IFT57: variants seen among roughly 807,000 people sequenced by gnomAD.
The protein encoded by IFT57 is intraflagellar transport 57, also known as intraflagellar transport protein 57 homolog.
A neutral mutation model predicts 56.8 loss-of-function variants in IFT57; 59 were observed. That is an observed-to-expected ratio of 1.04 (90% confidence interval 0.84 to 1.29). IFT57 has a LOEUF of 1.29. Ranked by LOEUF, IFT57 falls within the 50% of genes most tolerant of loss-of-function variation. The pLI is 0.00. For missense variants in IFT57, 470 were observed against 522.1 expected (o/e 0.90, Z 0.97); for synonymous variants, 209 against 186.1 (o/e 1.12, Z -1.00).
intron 6 of IFT57, 72 bp downstream of exon 6, chr3:108,191,449 G>A (rs560967153): frequency 1.6e-5 from 16 of 1,000,524 alleles, no homozygotes; most frequent in Non-Finnish European, 2.0e-5. Flanking sequence ...TTATAATTGG[G>A]AGTACCCCTA....
intron 6 of IFT57, among the ~76,000 whole-genome samples, chr3:108,177,409 A>G (rs1047897100): frequency 6.6e-6 from 1 of 151,958 alleles, no homozygotes; most frequent in East Asian, 1.9e-4. Context: ...CCCTAAAAAC[A>G]AACAAAAATT....
intron 4 of IFT57, among the ~76,000 whole-genome samples, chr3:108,213,159 T>C (rs1467938983): frequency 1.3e-5 from 2 of 152,164 alleles, no homozygotes; most frequent in East Asian, 1.9e-4. Context: ...CTTTATGTTA[T>C]TGGTAAGGCT....
At chr3:108,209,947 T>C (rs545460116) in intron 4 of IFT57, among the ~76,000 whole-genome samples, 1 of 152,094 alleles carries the variant, frequency 6.6e-6, no homozygotes, top group East Asian at 1.9e-4. Flanking sequence ...TACCTCCTAT[T>C]GGTTCTATTC....
intron 6 of IFT57, among the ~76,000 whole-genome samples, chr3:108,183,746 T>A (rs13323413): frequency 0.096 from 14,643 of 152,240 alleles, 766 homozygotes; most frequent in Middle Eastern, 0.12. Context: ...TAACAAAGTC[T>A]AAGGTTTGCT....
Position 108,166,979 on chromosome 3 carries a change from A to G in IFT57, c.856T>C (p.Leu286=). Residue 286 remains leucine (L), a synonymous_variant, in exon 8 of 11, where the codon TTG becomes CTG. Coordinates refer to ENST00000264538, the MANE Select transcript of IFT57 (RefSeq NM_018010.4). ...GTAATTTCATTATGGAGTTTGTCCA[A>G]AAATCCCTAGAAATTCCATGGAATT... is the stretch of plus-strand genomic sequence containing the variant. The part of the protein sequence containing the change: ...ESALKETKGF[L]DKLHNEITRT... 6.2e-7 allele frequency: 1 copy of G among 1,605,262 alleles called. No homozygotes were observed. The highest frequency in any genetic ancestry group is 8.5e-7 in the Non-Finnish European group (1 of 1,176,176).
chr3:108,179,495 A>G (rs1440415296), intron 6 of IFT57, among the ~76,000 whole-genome samples: 4 of 151,986 alleles, frequency 2.6e-5, no homozygotes, highest in Non-Finnish European at 5.9e-5. Context: ...TCCACAGAAA[A>G]TCCTCCCTTC....
At position 108,218,528 on chromosome 3, in the gene IFT57, T is replaced by C; in HGVS notation, c.494+7A>G. On this transcript the variant is annotated splice_region_variant and intron_variant, in intron 3 of 10. Coordinates refer to ENST00000264538, the MANE Select transcript of IFT57 (RefSeq NM_018010.4). ...AAATTACTATCATCAGGGTGGGTAATTTTTACCTTTTCCAGGTGAAACCAA... is the reference window on the plus strand; with the variant it reads ...AAATTACTATCATCAGGGTGGGTAACTTTTACCTTTTCCAGGTGAAACCAA... 7.0e-7 allele frequency: 1 copy of C among 1,423,946 alleles called. No individual in the cohort carries two copies. Among genetic ancestry groups the C allele is most frequent in the Non-Finnish European group, 9.6e-7 (1 of 1,040,620 alleles). The allele number at this position is 1,423,946 out of a possible 1,614,324, so 88.2% of individuals were successfully genotyped here.
intron 6 of IFT57, among the ~76,000 whole-genome samples, chr3:108,176,101 C>T (rs2080122464): frequency 6.6e-6 from 1 of 151,848 alleles, no homozygotes; most frequent in South Asian, 2.1e-4. Context: ...ATTCTCACTG[C>T]CCACAATTAT....
intron 6 of IFT57, among the ~76,000 whole-genome samples, chr3:108,173,521 C>T (rs1358425353): frequency 1.3e-5 from 2 of 151,810 alleles, no homozygotes; most frequent in East Asian, 3.9e-4. Flanking sequence ...ATAGCTTAGC[C>T]TAGCTTACCT....
At chr3:108,186,269 G>A (rs1231895436) in intron 6 of IFT57, among the ~76,000 whole-genome samples, 1 of 148,788 alleles carries the variant, frequency 6.7e-6, no homozygotes, top group African/African-American at 2.5e-5. Flanking sequence ...GGACTTCACA[G>A]GATTTATGAC....
At chr3:108,196,142 A>G (rs2108319504) in intron 5 of IFT57, among the ~76,000 whole-genome samples, 1 of 152,262 alleles carries the variant, frequency 6.6e-6, no homozygotes, top group Admixed American at 6.5e-5. Context: ...ATAACTAAAG[A>G]TAAAAAAATA....
At chr3:108,197,739 A>C (rs2080251342) in intron 5 of IFT57, among the ~76,000 whole-genome samples, 1 of 152,200 alleles carries the variant, frequency 6.6e-6, no homozygotes, top group Non-Finnish European at 1.5e-5. Context: ...AAGTTGTCTT[A>C]AGAGTCACAA....
intron 8 of IFT57, among the ~76,000 whole-genome samples, chr3:108,165,920 A>G (rs1378289517): frequency 6.6e-6 from 1 of 152,088 alleles, no homozygotes; most frequent in East Asian, 1.9e-4. Context: ...AAGACAGTAC[A>G]CTCAACTGGA....
At chr3:108,205,067 G>T (rs1346921110) in intron 5 of IFT57, among the ~76,000 whole-genome samples, 4 of 151,998 alleles carry the variant, frequency 2.6e-5, no homozygotes, top group African/African-American at 7.2e-5. Flanking sequence ...TCATTTAAGA[G>T]GTTTTTATTC....
chr3:108,167,215 G>C, intron 7 of IFT57: 1 of 436,018 alleles, frequency 2.3e-6, no homozygotes, highest in Non-Finnish European at 4.1e-6. Flanking sequence ...CAATTCATTT[G>C]TCATTATACA....
intron 6 of IFT57, among the ~76,000 whole-genome samples, chr3:108,175,537 G>GA (rs2080119419): frequency 6.6e-6 from 1 of 151,762 alleles, no homozygotes; most frequent in African/African-American, 2.4e-5. Context: ...AAAAGTATGA[G>GA]ATGTAGTTGC....
At chr3:108,199,993 C>T (rs575109688) in intron 5 of IFT57, among the ~76,000 whole-genome samples, 4 of 152,092 alleles carry the variant, frequency 2.6e-5, no homozygotes, top group South Asian at 2.1e-4. Context: ...TATGAGGGCA[C>T]CCATTTAACT....
chr3:108,177,403 A>G (rs997737507), intron 6 of IFT57, among the ~76,000 whole-genome samples: 1 of 151,842 alleles, frequency 6.6e-6, no homozygotes, highest in Non-Finnish European at 1.5e-5. Context: ...AAAGATCCCT[A>G]AAAACAAACA....
chr3:108,194,890 C>T (rs1358794106), intron 5 of IFT57, among the ~76,000 whole-genome samples: 1 of 152,102 alleles, frequency 6.6e-6, no homozygotes, highest in Non-Finnish European at 1.5e-5. Context: ...TGGGGAAACA[C>T]TCCAGAACAT....
Sources: gnomAD v4.1 joint callset for allele counts (sites outside exome capture counted in the v4.1 genomes callset) on GRCh38, gnomAD v4.1.1 for gene constraint, MANE v1.5 for transcripts, NCBI Gene and HGNC (gene_info 2026-07-23, HGNC 2026-07-21) for gene names.